The following CD96 variants were observed in gnomAD, a reference collection of about 807,000 sequenced individuals.
CD96 encodes the protein CD96 molecule.
A neutral mutation model predicts 71.3 loss-of-function variants in CD96; 70 were observed. The ratio of observed to expected loss-of-function variants is 0.98; its 90% CI spans 0.81 to 1.20. The LOEUF (loss-of-function observed/expected upper bound fraction) is 1.20. Ranked by LOEUF, CD96 falls within the 50% of genes most tolerant of loss-of-function variation. The pLI, the probability that CD96 is intolerant of heterozygous loss-of-function variation, is 0.00. For synonymous variants in CD96, 248 were observed against 233.0 expected (o/e 1.06, Z -0.59); for missense variants, 742 against 677.5 (o/e 1.10, Z -1.06).
chr3:111,618,640 A>C (rs1192164405), intron 8 of CD96, among the ~76,000 whole-genome samples: 1 of 144,210 alleles, frequency 6.9e-6, no homozygotes. Flanking sequence ...GCTGGAGTAC[A>C]GTGGCACGAT....
intron 14 of CD96, among the ~76,000 whole-genome samples, chr3:111,659,549 T>G (rs188076370): frequency 7.2e-5 from 11 of 152,320 alleles, no homozygotes; most frequent in African/African-American, 2.6e-4. Context: ...TTTGGTAACT[T>G]GTAAACCTAT....
chr3:111,592,863 C>A (rs1229923458), intron 5 of CD96: 5 of 152,158 alleles, frequency 3.3e-5, no homozygotes, highest in Admixed American at 6.5e-5. Context: ...TTAGTTTAAG[C>A]ATTAGGTTGT....
chr3:111,575,276 C>T (rs1936172298), intron 3 of CD96, among the ~76,000 whole-genome samples: 1 of 152,048 alleles, frequency 6.6e-6, no homozygotes, highest in Non-Finnish European at 1.5e-5. Context: ...GCAAGGAAGG[C>T]CATTAACCTT....
intron 5 of CD96, among the ~76,000 whole-genome samples, chr3:111,596,978 C>T (rs1285278634): frequency 1.3e-5 from 2 of 152,170 alleles, no homozygotes; most frequent in African/African-American, 4.8e-5. Context: ...AAATAGTAAA[C>T]TTCTGTAGGA....
At chr3:111,583,023 ACAAGG>A (rs1177235881) in intron 4 of CD96, among the ~76,000 whole-genome samples, 8 of 152,216 alleles carry the variant, frequency 5.3e-5, no homozygotes, top group Admixed American at 4.6e-4. Context: ...CCCATCTGAG[ACAAGG>A]CAAGTCCCTT....
intron 13 of CD96, among the ~76,000 whole-genome samples, chr3:111,648,728 A>G (rs1191893293): frequency 6.6e-6 from 1 of 151,734 alleles, no homozygotes; most frequent in Non-Finnish European, 1.5e-5. Flanking sequence ...GATGAGAATC[A>G]ATCTCTCTAT....
At chr3:111,594,311 G>A in intron 5 of CD96, 1 of 1,371,194 alleles carries the variant, frequency 7.3e-7, no homozygotes, top group Non-Finnish European at 9.9e-7. Flanking sequence ...AACTCTTGGG[G>A]ATTCACAATA....
intron 2 of CD96, among the ~76,000 whole-genome samples, chr3:111,566,630 T>G (rs1187075470): frequency 1.3e-5 from 2 of 152,182 alleles, no homozygotes; most frequent in Non-Finnish European, 2.9e-5. Context: ...ATTTGTAAAC[T>G]TCTTTTGATG....
intron 1 of CD96, 98 bp downstream of exon 1, chr3:111,542,407 G>T: frequency 1.2e-6 from 1 of 863,190 alleles, no homozygotes; most frequent in South Asian, 1.3e-5. Context: ...TGCTGAAATT[G>T]ATCACCAAAG....
chr3:111,611,477 G>A (rs372722751), intron 8 of CD96, among the ~76,000 whole-genome samples: 10 of 152,328 alleles, frequency 6.6e-5, no homozygotes, highest in African/African-American at 1.7e-4. Context: ...ACAGGGGAAC[G>A]CCAGAGAGAG....
chr3:111,664,426 C>T (rs557008811), intron 14 of CD96, among the ~76,000 whole-genome samples: 3 of 152,258 alleles, frequency 2.0e-5, no homozygotes, highest in South Asian at 2.1e-4. Context: ...AAAAATACCA[C>T]GTGTTCTCAC....
chr3:111,647,403 G>T, intron 12 of CD96, 140 bp from the exon 13 acceptor site: 1 of 793,886 alleles, frequency 1.3e-6, no homozygotes, highest in Middle Eastern at 2.4e-4. Flanking sequence ...AGGTAACAAG[G>T]CTTAGACATG....
At chr3:111,639,245 C>T (rs1047957220) in intron 12 of CD96, among the ~76,000 whole-genome samples, 1 of 152,176 alleles carries the variant, frequency 6.6e-6, no homozygotes, top group Non-Finnish European at 1.5e-5. Context: ...AAGCCCATCT[C>T]GCCCTCCACC....
chr3:111,592,671 C>T (rs1418462125), intron 5 of CD96, among the ~76,000 whole-genome samples: 1 of 152,052 alleles, frequency 6.6e-6, no homozygotes. Flanking sequence ...ATATCTCTGC[C>T]TTCTTTTCAT....
At position 111,631,676 on chromosome 3, in the gene CD96, C is replaced by A. The variant is rs147758352; in HGVS notation, c.1322-5520C>A. On this transcript the variant is annotated intron_variant, in intron 10 of 13. Transcript: ENST00000352690. ...AAAGAGCCCAAATAGCCAAGGCAAC[C>A]CAAAGCAAAAAGAACAAAGCTGGAG... Among the ~76,000 whole-genome samples the A allele has an allele frequency of 7.5e-3, 1,146 of 151,992 alleles. 18 individuals are homozygous for A. The highest frequency in any genetic ancestry group is 0.026 in the African/African-American group (1,087 of 41,462).
chr3:111,634,497 T>C (rs1331995263), intron 10 of CD96: 2 of 152,588 alleles, frequency 1.3e-5, no homozygotes, highest in Non-Finnish European at 2.9e-5. Flanking sequence ...AGTGTTTGTT[T>C]GTAGATTTGT....
intron 4 of CD96, among the ~76,000 whole-genome samples, chr3:111,583,759 A>T (rs1253732301): frequency 6.6e-6 from 1 of 152,200 alleles, no homozygotes; most frequent in African/African-American, 2.4e-5. Context: ...GACACAGGGC[A>T]CCAAGTCCCG....
At chr3:111,626,375 G>GAAT (rs1938763207) in intron 10 of CD96, among the ~76,000 whole-genome samples, 2 of 145,972 alleles carry the variant, frequency 1.4e-5, no homozygotes, top group Non-Finnish European at 3.0e-5. Flanking sequence ...ATGAAGACTA[G>GAAT]AATTAGAAAA....
At chr3:111,568,165 C>T (rs930588647) in intron 3 of CD96, among the ~76,000 whole-genome samples, 2 of 152,084 alleles carry the variant, frequency 1.3e-5, no homozygotes, top group African/African-American at 2.4e-5. Context: ...CAGTCACTGC[C>T]CAGCTCTTGT....
Sources: allele counts gnomAD v4.1 joint callset (sites outside exome capture counted in the v4.1 genomes callset), GRCh38; gene constraint gnomAD v4.1.1; transcripts MANE v1.5; gene names NCBI Gene and HGNC (gene_info 2026-07-23, HGNC 2026-07-21).